Variants in PTPRD observed in about 807,000 individuals in gnomAD.
PTPRD encodes the protein protein tyrosine phosphatase receptor type D.
PTPRD carries 34 observed loss-of-function variants against 214.5 expected under a neutral mutation model. The observed-to-expected ratio is 0.16, with a 90% CI of 0.12 to 0.21. The LOEUF is 0.21. Ranked by LOEUF, PTPRD falls within the 10% of genes least tolerant of loss-of-function variation. The probability of loss-of-function intolerance (pLI) is 1.00; values close to 1 mark genes in which losing one functional copy is unlikely to be tolerated. For missense variants in PTPRD, 2,545 were observed against 2,398.7 expected (o/e 1.06, Z -1.27); for synonymous variants, 1,128 against 845.7 (o/e 1.33, Z -5.79).
chr9:9,512,633 C>A (rs1411081810), intron 8 of PTPRD, among the ~76,000 whole-genome samples: 1 of 151,794 alleles, frequency 6.6e-6, no homozygotes, highest in Non-Finnish European at 1.5e-5. Context: ...ATCATGGCAT[C>A]TTGTATTCAC....
At chr9:9,467,573 C>T (rs1055055267) in intron 8 of PTPRD, among the ~76,000 whole-genome samples, 1 of 80,072 alleles carries the variant, frequency 1.2e-5, no homozygotes, top group Non-Finnish European at 2.4e-5. Context: ...GGCGACAGAG[C>T]GGGACTCCAT....
chr9:8,823,849 G>C (rs1016970331), intron 11 of PTPRD, among the ~76,000 whole-genome samples: 1 of 152,150 alleles, frequency 6.6e-6, no homozygotes, highest in African/African-American at 2.4e-5. Context: ...AAAAGTAAAA[G>C]AATAAAAGAA....
At chr9:9,106,516 G>A (rs1402260875) in intron 10 of PTPRD, among the ~76,000 whole-genome samples, 2 of 149,542 alleles carry the variant, frequency 1.3e-5, no homozygotes, top group East Asian at 2.0e-4. Context: ...CGACTTTAGA[G>A]GTCACATAGA....
chr9:10,152,839 A>G (rs562935037), intron 3 of PTPRD, among the ~76,000 whole-genome samples: 5 of 152,212 alleles, frequency 3.3e-5, no homozygotes, highest in African/African-American at 1.2e-4. Flanking sequence ...CTCCCCCAAA[A>G]AGAAGGAAAT....
At chr9:9,485,123 C>T (rs1272121907) in intron 8 of PTPRD, among the ~76,000 whole-genome samples, 5 of 152,138 alleles carry the variant, frequency 3.3e-5, no homozygotes, top group African/African-American at 7.2e-5. Context: ...AAACAGCTGT[C>T]GTTTCAGGAC....
At chr9:9,226,591 T>C (rs1473531492) in intron 9 of PTPRD, among the ~76,000 whole-genome samples, 2 of 151,982 alleles carry the variant, frequency 1.3e-5, no homozygotes, top group Non-Finnish European at 2.9e-5. Context: ...GAACATTGTA[T>C]TGTTTCAAGG....
intron 11 of PTPRD, among the ~76,000 whole-genome samples, chr9:8,885,511 T>C (rs977493119): frequency 9.1e-5 from 11 of 121,544 alleles, no homozygotes; most frequent in Admixed American, 1.8e-4. Flanking sequence ...TTTTTTTTTT[T>C]CTGAGACCAA....
intron 10 of PTPRD, among the ~76,000 whole-genome samples, chr9:9,145,662 G>C (rs2099867387): frequency 6.6e-6 from 1 of 152,090 alleles, no homozygotes; most frequent in Non-Finnish European, 1.5e-5. Context: ...AGATAAAATT[G>C]CCCTCATGTC....
rs201029964 is a variant in PTPRD, at chr9:8,500,979, C to G, written c.1903G>C (p.Val635Leu). 2.5e-6 allele frequency: 4 copies of G among 1,614,054 alleles called. No individual in the cohort carries two copies. The highest frequency in any genetic ancestry group is 3.4e-6 in the Non-Finnish European group (4 of 1,180,008). The change falls in exon 24 of 46, where the codon GTG becomes CTG. Residue 635 changes from valine to leucine, a missense_variant. Transcript: ENST00000381196. ...GTGATAATGCCATTCTGTTTTTCCA[C>G]TGGTGGAGGTTGCCAACTTACCAAA... is the stretch of plus-strand genomic sequence containing the variant. The part of the protein sequence containing the change: ...SILVSWQPPP[V>L]EKQNGIITEY...
chr9:10,116,947 C>G lies in PTPRD; in HGVS notation c.-544-83157G>C, dbSNP rs547827886. On this transcript the variant is annotated intron_variant, in intron 3 of 45. Coordinates refer to ENST00000381196, the MANE Select transcript of PTPRD (RefSeq NM_002839.4). Reference sequence around the variant, plus strand: ...CTAGACTTTTTTCAAATGTCGCCTTCTCTTTTAGATCTATGCTAAGTATTT... The same window carrying G: ...CTAGACTTTTTTCAAATGTCGCCTTGTCTTTTAGATCTATGCTAAGTATTT... 2.0e-5 allele frequency among the ~76,000 whole-genome samples: 3 copies of G among 152,228 alleles called. No individual in the cohort carries two copies. The East Asian group carries it at 5.8e-4, about 29-fold the overall frequency.
chr9:9,534,516 A>G (rs2076131493), intron 8 of PTPRD, among the ~76,000 whole-genome samples: 2 of 152,102 alleles, frequency 1.3e-5, no homozygotes, highest in African/African-American at 4.8e-5. Context: ...TAATACTGAC[A>G]TAATACATAA....
At chr9:9,097,328 C>T (rs1012942840) in intron 10 of PTPRD, among the ~76,000 whole-genome samples, 1 of 151,832 alleles carries the variant, frequency 6.6e-6, no homozygotes, top group Non-Finnish European at 1.5e-5. Context: ...GGTACTAAAC[C>T]TCATACTCAT....
intron 4 of PTPRD, among the ~76,000 whole-genome samples, chr9:10,018,171 G>C (rs534496013): frequency 1.5e-5 from 2 of 137,176 alleles, no homozygotes; most frequent in African/African-American, 4.9e-5. Context: ...GGAAGAATGT[G>C]AGGGAGGGAG....
chr9:9,069,285 T>A lies in PTPRD; in HGVS notation c.-142-50550A>T, dbSNP rs189364700. 8.7e-4 allele frequency among the ~76,000 whole-genome samples: 132 copies of A among 152,298 alleles called. 1 individual carries two copies. The highest frequency in any genetic ancestry group is 3.0e-3 in the African/African-American group (124 of 41,574). On this transcript the variant is annotated intron_variant, in intron 10 of 45. Transcript: ENST00000381196. The stretch of plus-strand genomic sequence containing the variant: ...ATCTTTATTTATAAGTCAATGCTTA[T>A]TAAAAGAGCAGTAAATACAAAAAAA...
rs990907466 is a variant in PTPRD, at chr9:9,734,579, A to G, written c.-325-8T>C. 3 of 152,120 alleles carry G rather than the reference A, an allele frequency of 2.0e-5. No individual in the cohort carries two copies. Among genetic ancestry groups the G allele is most frequent in the Non-Finnish European group, 4.4e-5 (3 of 67,960 alleles). 9.4% of individuals were successfully genotyped at this position (152,120 alleles called of 1,614,324 possible). ...AGATCAAGGAGTCCAAGCCTGATAA[A>G]AAGCAAAACAGAGGAAAGACAGAAA... On this transcript the variant is annotated splice_region_variant and splice_polypyrimidine_tract_variant and intron_variant, in intron 6 of 45. Transcript: ENST00000381196.
At chr9:10,312,373 T>C (rs963140415) in intron 3 of PTPRD, among the ~76,000 whole-genome samples, 4 of 151,968 alleles carry the variant, frequency 2.6e-5, no homozygotes, top group Non-Finnish European at 4.4e-5. Flanking sequence ...CACAATTAAA[T>C]AGTATTTTAG....
Position 8,660,705 on chromosome 9 carries a change from C to T in PTPRD, c.65-23861G>A, listed in dbSNP as rs557629736. Among the ~76,000 whole-genome samples the T allele has an allele frequency of 5.9e-5, 9 of 152,262 alleles. No individual in the cohort carries two copies. In the South Asian group the frequency reaches 1.9e-3, roughly 32 times the overall value. On this transcript the variant is annotated intron_variant, in intron 12 of 45. Coordinates refer to ENST00000381196, the MANE Select transcript of PTPRD (RefSeq NM_002839.4). ...TTCACATACTCTGCATTTGGTCCTG[C>T]TAAGCCCTATATTGTATCAGGCAGA...
In PTPRD at chr9:10,316,954, T is replaced by TA. The variant is rs554985681; in HGVS notation, c.-545+24008dup. ...TGCTTTTTAAGGAGTCTCTAAATAT[T>TA]AAAAAAAATTAAAAACAAAACAAAA... On this transcript the variant is annotated intron_variant, in intron 3 of 45. Coordinates refer to ENST00000381196, the MANE Select transcript of PTPRD (RefSeq NM_002839.4). Among the ~76,000 whole-genome samples the TA allele has an allele frequency of 7.8e-4, 119 of 151,714 alleles. 2 individuals are homozygous for TA. The South Asian group carries it at 0.021, about 27-fold the overall frequency.
rs530151462 is a variant in PTPRD at position 9,456,727 on chromosome 9, A to G, written c.-236-59245T>C. ...CTTAAACTGCTACATAGTAAATAAAATTAATAGGGTCATTTTATAGATGGG... is the reference window on the plus strand; with the variant it reads ...CTTAAACTGCTACATAGTAAATAAAGTTAATAGGGTCATTTTATAGATGGG... On this transcript the variant is annotated intron_variant, in intron 8 of 45. Coordinates refer to ENST00000381196, the MANE Select transcript of PTPRD (RefSeq NM_002839.4). 3.9e-5 allele frequency among the ~76,000 whole-genome samples: 6 copies of G among 152,028 alleles called. No homozygotes were observed. In the South Asian group the frequency reaches 1.2e-3, roughly 32 times the overall value.
Sources: allele counts gnomAD v4.1 joint callset (sites outside exome capture counted in the v4.1 genomes callset), GRCh38; gene constraint gnomAD v4.1.1; transcripts MANE v1.5; gene names NCBI Gene and HGNC (gene_info 2026-07-23, HGNC 2026-07-21).